ANTXR1: variants seen among roughly 807,000 people sequenced by gnomAD.
ANTXR1 encodes the protein ANTXR cell adhesion molecule 1.
ANTXR1 carries 19 observed loss-of-function variants against 78.1 expected under a neutral mutation model. The ratio of observed to expected loss-of-function variants is 0.24; its 90% CI spans 0.17 to 0.36. The LOEUF (loss-of-function observed/expected upper bound fraction) is 0.36, where lower values mean the gene tolerates loss of function less well. Ranked by LOEUF, ANTXR1 falls within the 10% of genes least tolerant of loss-of-function variation. The pLI is 1.00. For synonymous variants in ANTXR1, 273 were observed against 260.5 expected, an observed-to-expected ratio of 1.05 and a Z score of -0.46; for missense variants, 518 against 718.6, an observed-to-expected ratio of 0.72 and a Z score of 3.19.
At chr2:69,237,260 A>G (rs536136148) in intron 17 of ANTXR1, among the ~76,000 whole-genome samples, 69 of 152,354 alleles carry the variant, frequency 4.5e-4, no homozygotes, top group African/African-American at 1.6e-3. Context: ...AGCAAAATGA[A>G]TCAATTAAAA....
At chr2:69,125,812 G>A (rs1255706573) in intron 12 of ANTXR1, among the ~76,000 whole-genome samples, 1 of 151,972 alleles carries the variant, frequency 6.6e-6, no homozygotes, top group Non-Finnish European at 1.5e-5. Flanking sequence ...CTGCACTCCG[G>A]CCTGGGTGAC....
At chr2:69,101,915 C>A (rs1671634120) in intron 9 of ANTXR1, among the ~76,000 whole-genome samples, 1 of 152,208 alleles carries the variant, frequency 6.6e-6, no homozygotes, top group Non-Finnish European at 1.5e-5. Context: ...ATTTAGCCAA[C>A]TAATTATTGG....
chr2:69,172,686 CTT>C (rs1674027600), intron 14 of ANTXR1: 1 of 456,090 alleles, frequency 2.2e-6, no homozygotes, highest in East Asian at 7.3e-5. Context: ...ATGAAGATAA[CTT>C]TATAATAAGC....
At position 69,071,126 on chromosome 2, in the gene ANTXR1, A is replaced by G. The variant is rs188528521; in HGVS notation, c.378+398A>G. On this transcript the variant is annotated intron_variant, in intron 4 of 17. Coordinates refer to ENST00000303714, the MANE Select transcript of ANTXR1 (RefSeq NM_032208.3). ...TCAATCCGTGCTGACAACTACAGTC[A>G]TCTGTCACTTAACAAGTACTAGGCC... is the stretch of plus-strand genomic sequence containing the variant. Among the ~76,000 whole-genome samples, 354 of 152,136 alleles carry G rather than the reference A, an allele frequency of 2.3e-3. 1 individual carries two copies. The highest frequency in any genetic ancestry group is 0.017 in the Middle Eastern group (5 of 292).
rs145979197 is a variant in ANTXR1 at position 69,040,503 on chromosome 2, C to T, written c.224+388C>T. Reference sequence around the variant, plus strand: ...GATGAACAATTCATCCCAGTTTGCCCAGATCTTTCCCAGTTTTAGCACTGA... The same window carrying T: ...GATGAACAATTCATCCCAGTTTGCCTAGATCTTTCCCAGTTTTAGCACTGA... On this transcript the variant is annotated intron_variant, in intron 2 of 17. Coordinates refer to ENST00000303714, the MANE Select transcript of ANTXR1 (RefSeq NM_032208.3). Among the ~76,000 whole-genome samples the T allele has an allele frequency of 1.3e-3, 193 of 152,228 alleles. 1 individual carries two copies. The highest frequency in any genetic ancestry group is 4.5e-3 in the African/African-American group (186 of 41,548).
chr2:69,163,568 A>G (rs1034003004), intron 13 of ANTXR1, among the ~76,000 whole-genome samples: 3 of 152,090 alleles, frequency 2.0e-5, no homozygotes, highest in Non-Finnish European at 2.9e-5. Context: ...CTTTACAAAC[A>G]TCTCCTGCAC....
rs1225582195 is a variant in ANTXR1 at position 69,123,074 on chromosome 2, A to C, written c.860A>C (p.Lys287Thr). Residue 287 changes from lysine (K) to threonine (T), a missense_variant, in exon 11 of 18, where the codon AAA becomes ACA. Coordinates refer to ENST00000303714, the MANE Select transcript of ANTXR1 (RefSeq NM_032208.3). The stretch of plus-strand genomic sequence containing the variant: ...TTACTGTGTCCAGCGCCTATCTTAA[A>C]AGAAGTTGGCATGTAAGTTTTCACC... ...TYLLCPAPIL[K>T]EVGMKAALQV... 3.1e-6 allele frequency: 5 copies of C among 1,614,046 alleles called. No homozygotes were observed.
intron 5 of ANTXR1, among the ~76,000 whole-genome samples, chr2:69,072,698 A>C (rs1414340254): frequency 6.6e-6 from 1 of 152,334 alleles, no homozygotes; most frequent in East Asian, 1.9e-4. Flanking sequence ...GGCAACAGTT[A>C]TGTGTCTGCT....
At chr2:69,078,693 T>A (rs1413449254) in intron 8 of ANTXR1, among the ~76,000 whole-genome samples, 1 of 152,194 alleles carries the variant, frequency 6.6e-6, no homozygotes, top group Non-Finnish European at 1.5e-5. Context: ...ATAGGCTTGT[T>A]TGAGGATTAC....
At chr2:69,155,952 C>T (rs545277294) in intron 13 of ANTXR1, among the ~76,000 whole-genome samples, 1 of 152,254 alleles carries the variant, frequency 6.6e-6, no homozygotes, top group South Asian at 2.1e-4. Context: ...AGTTTCATGA[C>T]TCCATGTTGA....
chr2:69,067,740 G>A (rs1252967884), intron 3 of ANTXR1, among the ~76,000 whole-genome samples: 1 of 152,112 alleles, frequency 6.6e-6, no homozygotes, highest in Non-Finnish European at 1.5e-5. Flanking sequence ...TAGCTCTGCT[G>A]CTCGGACCCT....
chr2:69,194,556 G>A (rs142869099), intron 17 of ANTXR1, among the ~76,000 whole-genome samples: 24 of 152,256 alleles, frequency 1.6e-4, no homozygotes, highest in African/African-American at 5.1e-4. Context: ...TTGAACACAC[G>A]GAAATGCTCA....
chr2:69,047,197 C>T (rs1175524900), intron 3 of ANTXR1, among the ~76,000 whole-genome samples: 1 of 152,084 alleles, frequency 6.6e-6, no homozygotes, highest in Non-Finnish European at 1.5e-5. Flanking sequence ...CAATCCTCTG[C>T]CTATACCAAG....
At chr2:69,066,538 C>T (rs1195738811) in intron 3 of ANTXR1, among the ~76,000 whole-genome samples, 4 of 152,114 alleles carry the variant, frequency 2.6e-5, no homozygotes, top group African/African-American at 9.7e-5. Flanking sequence ...ACTGTCATAA[C>T]ACAACCAGAA....
chr2:69,072,104 C>T (rs1247971436), intron 5 of ANTXR1, among the ~76,000 whole-genome samples: 1 of 152,108 alleles, frequency 6.6e-6, no homozygotes, highest in Non-Finnish European at 1.5e-5. Flanking sequence ...TTAGTAAAGT[C>T]TTGGATTTTT....
Position 69,182,610 on chromosome 2 carries a change from A to G in ANTXR1, c.1303A>G (p.Asn435Asp). The part of the protein sequence containing the change: ...YEFPEPRNLN[N>D]NMRRPSSPRK... ...ATTCCCTGAGCCGCGAAATCTCAAC[A>G]ACAATATGCGTCGGCCTTCTTCCCC... The change falls in exon 16 of 18, where the codon AAC becomes GAC. Residue 435 changes from asparagine to aspartate, a missense_variant. Physicochemically the swap from Asn to Asp is conservative, Grantham distance 23. This residue lies in a region of ANTXR1 where 192 missense variants were observed against 230.2 expected (regional missense o/e 0.83). Coordinates refer to ENST00000303714, the MANE Select transcript of ANTXR1 (RefSeq NM_032208.3). 7 of 1,614,200 alleles carry G rather than the reference A, an allele frequency of 4.3e-6. No individual in the cohort carries two copies. Among genetic ancestry groups the G allele is most frequent in the Non-Finnish European group, 5.9e-6 (7 of 1,180,036 alleles).
intron 12 of ANTXR1, among the ~76,000 whole-genome samples, chr2:69,126,291 C>A (rs1672535298): frequency 6.6e-6 from 1 of 152,102 alleles, no homozygotes. Flanking sequence ...TTTTACTTGA[C>A]CAAAGCAAGA....
intron 10 of ANTXR1, among the ~76,000 whole-genome samples, chr2:69,114,613 TTGTA>T (rs1672083466): frequency 6.6e-6 from 1 of 152,178 alleles, no homozygotes; most frequent in Non-Finnish European, 1.5e-5. Context: ...GTATTGGTAT[TTGTA>T]TGTAAGGTGT....
At chr2:69,181,413 A>C (rs923250852) in intron 14 of ANTXR1, among the ~76,000 whole-genome samples, 1 of 152,140 alleles carries the variant, frequency 6.6e-6, no homozygotes, top group Non-Finnish European at 1.5e-5. Flanking sequence ...TTAGCCCCCA[A>C]ATAATGTGAA....
Sources: gnomAD v4.1 joint callset for allele counts (sites outside exome capture counted in the v4.1 genomes callset) on GRCh38, gnomAD v4.1.1 for gene constraint, gnomAD v4.1.1 regional missense constraint, MANE v1.5 for transcripts, NCBI Gene and HGNC (gene_info 2026-07-23, HGNC 2026-07-21) for gene names.